OTOP2: variants seen among roughly 807,000 people sequenced by gnomAD.
OTOP2 encodes otopetrin 2, also known as proton channel OTOP2.
Under a neutral mutation model 47.4 loss-of-function variants are expected in OTOP2, and 41 were observed. That is an observed-to-expected ratio of 0.87 (90% CI 0.67 to 1.12). The LOEUF (loss-of-function observed/expected upper bound fraction) is 1.12. Among genes scored for constraint, OTOP2 ranks in the 50% most tolerant of loss-of-function variants. The pLI, the probability that OTOP2 is intolerant of heterozygous loss-of-function variation, is 0.00. For missense variants in OTOP2, 721 were observed against 752.2 expected (o/e 0.96, Z 0.49); for synonymous variants, 328 against 319.6 (o/e 1.03, Z -0.28).
intron 4 of OTOP2, 115 bp from the exon 5 acceptor site, chr17:74,927,550 C>T (rs1443286969): frequency 2.1e-6 from 3 of 1,433,086 alleles, no homozygotes; most frequent in East Asian, 2.3e-5. Context: ...AATCAGCTTC[C>T]CTGTTCACAC....
chr17:74,926,323 T>A (rs2039007983), intron 3 of OTOP2, among the ~76,000 whole-genome samples: 1 of 152,196 alleles, frequency 6.6e-6, no homozygotes, highest in Non-Finnish European at 1.5e-5. Context: ...GTGGCATTTA[T>A]GTAGTTTTAG....
Position 74,933,511 on chromosome 17 carries a change from T to C in OTOP2, c.1655T>C (p.Val552Ala), listed in dbSNP as rs968894795. The change falls in exon 7 of 7, where the codon GTG becomes GCG. Residue 552 changes from valine to alanine, a missense_variant. By Grantham distance (64) the Val-to-Ala change is moderately conservative (BLOSUM62 0). Coordinates refer to ENST00000331427, the MANE Select transcript of OTOP2 (RefSeq NM_178160.3). The surrounding 1 kb of genome is among the most constrained non-coding windows in gnomAD (Gnocchi z 4.7). Reference protein sequence around the residue: ...PFGIFYRMHAVSSLLEVYVLS With the variant: ...PFGIFYRMHAASSLLEVYVLS ...GGCATCTTCTACCGCATGCACGCTG[T>C]GTCCAGCCTGCTGGAGGTCTACGTG... The C allele has an allele frequency of 1.1e-5, 17 of 1,613,400 alleles. No homozygotes were observed. Among genetic ancestry groups the C allele is most frequent in the Non-Finnish European group, 1.4e-5 (16 of 1,179,540 alleles).
chr17:74,928,046 C>A, intron 5 of OTOP2: 1 of 489,844 alleles, frequency 2.0e-6, no homozygotes. Context: ...TCCATCCCAC[C>A]AAGAAGGGAC....
At chr17:74,928,790 G>A (rs151173560) in intron 5 of OTOP2, among the ~76,000 whole-genome samples, 376 of 152,300 alleles carry the variant, frequency 2.5e-3, no homozygotes, top group African/African-American at 8.1e-3. Context: ...TCCCCCAATA[G>A]CCAGGACCAG....
In OTOP2 at chr17:74,924,522, T is replaced by C. The variant is rs1397844861; in HGVS notation, c.-33-78T>C. On this transcript the variant is annotated intron_variant, in intron 1 of 6. Transcript: ENST00000331427. This position sits in a 1 kb window ranked among gnomAD's most constrained non-coding sequence, Gnocchi z 7.7. The stretch of plus-strand genomic sequence containing the variant: ...ACCCTGCGGGTCAGGAACTCCCTAG[T>C]CCCCAAGTCTAGGGATGAGATGGGG... 1.9e-5 allele frequency: 25 copies of C among 1,286,800 alleles called. No homozygotes were observed. Among genetic ancestry groups the C allele is most frequent in the Non-Finnish European group, 2.6e-5 (25 of 965,576 alleles). 79.7% of individuals were successfully genotyped at this position (1,286,800 alleles called of 1,614,324 possible).
At position 74,930,797 on chromosome 17, in the gene OTOP2, G is replaced by A. The variant is rs748057192; in HGVS notation, c.1162G>A (p.Val388Met). The stretch of plus-strand genomic sequence containing the variant: ...GTACGCCATCTCTTACTACTCCATC[G>A]TGGCTGTGGTGGCGGGCACACCCCA... ...GQYAISYYSI[V>M]AVVAGTPQDL... Residue 388 changes from valine to methionine, a missense_variant, in exon 6 of 7, where the codon GTG becomes ATG. Val to Met is a conservative substitution (Grantham distance 21). Coordinates refer to ENST00000331427, the MANE Select transcript of OTOP2 (RefSeq NM_178160.3). This position sits in a 1 kb window ranked among gnomAD's most constrained non-coding sequence, Gnocchi z 4.0. The A allele has an allele frequency of 2.1e-5, 34 of 1,614,072 alleles. No homozygotes were observed. The highest frequency in any genetic ancestry group is 3.3e-5 in the South Asian group (3 of 91,072).
intron 4 of OTOP2, 129 bp from the exon 5 acceptor site, chr17:74,927,536 C>T (rs2039019511): frequency 1.5e-6 from 2 of 1,368,424 alleles, no homozygotes; most frequent in East Asian, 4.7e-5. Context: ...TGTGTTCCTA[C>T]CAAAATCAGC....
intron 6 of OTOP2, among the ~76,000 whole-genome samples, chr17:74,932,587 A>G (rs2039069933): frequency 6.6e-6 from 1 of 152,020 alleles, no homozygotes. Context: ...CCCCACCTCC[A>G]CCTTCCACCC....
chr17:74,933,630 T>G lies in OTOP2; in HGVS notation c.*85T>G. 1 of 1,388,578 alleles carries G rather than the reference T, an allele frequency of 7.2e-7. No homozygotes were observed. The highest frequency in any genetic ancestry group is 9.7e-7 in the Non-Finnish European group (1 of 1,029,880). The allele number at this position is 1,388,578 out of a possible 1,614,324, so 86.0% of individuals were successfully genotyped here. ...ACACCCTCTGGGAATGAATCCCAGC[T>G]GGTGCCATATGACAGCCCATTTCCT... On this transcript the variant is annotated 3_prime_UTR_variant, in exon 7 of 7. Transcript: ENST00000331427. The surrounding 1 kb of genome is among the most constrained non-coding windows in gnomAD (Gnocchi z 4.7).
Position 74,924,859 on chromosome 17 carries a change from G to C in OTOP2, c.227G>C (p.Trp76Ser), listed in dbSNP as rs781098215. The change falls in exon 2 of 7, where the codon TGG (tryptophan) becomes TCG (serine). Residue 76 changes from tryptophan to serine, a missense_variant. Transcript: ENST00000331427. This position sits in a 1 kb window ranked among gnomAD's most constrained non-coding sequence, Gnocchi z 7.7. Reference sequence around the variant, plus strand: ...GCGATGATGCTGCTGGCAACGCTCTGGATCCTCTTCTACCTCCTCCGAACC... The same window carrying C: ...GCGATGATGCTGCTGGCAACGCTCTCGATCCTCTTCTACCTCCTCCGAACC... Reference protein sequence around the residue: ...LTAMMLLATLWILFYLLRTVR... With the variant: ...LTAMMLLATLSILFYLLRTVR... 6.2e-7 allele frequency: 1 copy of C among 1,607,164 alleles called. No homozygotes were observed. The highest frequency in any genetic ancestry group is 8.5e-7 in the Non-Finnish European group (1 of 1,177,216).
At chr17:74,927,633 G>C in intron 4 of OTOP2, 32 bp from the exon 5 acceptor site, 1 of 1,597,492 alleles carries the variant, frequency 6.3e-7, no homozygotes, top group Non-Finnish European at 8.5e-7. Flanking sequence ...AGGGTCACAG[G>C]CCTCTTTGTC....
chr17:74,924,806 C>A lies in OTOP2; in HGVS notation c.174C>A (p.Tyr58Ter), dbSNP rs777873109. ...SGGAFNKVAV[Y>*]DTDVFALLTA... is the part of the protein sequence containing the mutation. ...GAGCCTTCAACAAGGTGGCCGTGTA[C>A]GACACCGACGTGTTCGCGCTGCTCA... The change falls in exon 2 of 7, where the codon TAC becomes TAA. Residue 58 changes from tyrosine to a stop codon, truncating the protein, a stop_gained. Coordinates refer to ENST00000331427, the MANE Select transcript of OTOP2 (RefSeq NM_178160.3). LOFTEE classifies it high-confidence loss of function. This position sits in a 1 kb window ranked among gnomAD's most constrained non-coding sequence, Gnocchi z 7.7. 1 of 1,611,672 alleles carries A rather than the reference C, an allele frequency of 6.2e-7. No homozygotes were observed. Among genetic ancestry groups the A allele is most frequent in the South Asian group, 1.1e-5 (1 of 90,654 alleles).
At chr17:74,929,705 T>C (rs1452026911) in intron 5 of OTOP2, among the ~76,000 whole-genome samples, 1 of 151,996 alleles carries the variant, frequency 6.6e-6, no homozygotes, top group Non-Finnish European at 1.5e-5. Context: ...GGATTACAGG[T>C]GTGAGCCACT....
Position 74,925,695 on chromosome 17 carries a change from G to T in OTOP2, c.450+3G>T. 6.2e-7 allele frequency: 1 copy of T among 1,614,122 alleles called. No individual in the cohort carries two copies. The highest frequency in any genetic ancestry group is 8.5e-7 in the Non-Finnish European group (1 of 1,179,988). On this transcript the variant is annotated splice_donor_region_variant and intron_variant, in intron 3 of 6. Transcript: ENST00000331427. ...AGGCTGTGTTTGTCATCATCCAGGT[G>T]GGTGGAGGAGTGTCGCTGTGTGGAA...
At position 74,933,516 on chromosome 17, in the gene OTOP2, A is replaced by G. The variant is rs139301893; in HGVS notation, c.1660A>G (p.Ser554Gly). 2.5e-3 allele frequency: 4,070 copies of G among 1,613,226 alleles called. 118 individuals carry two copies. In the South Asian group the frequency reaches 0.042, roughly 17 times the overall value. Residue 554 changes from serine to glycine, a missense_variant, in exon 7 of 7, where the codon AGC becomes GGC. Ser to Gly is a moderately conservative substitution (Grantham distance 56, BLOSUM62 0). Coordinates refer to ENST00000331427, the MANE Select transcript of OTOP2 (RefSeq NM_178160.3). The surrounding 1 kb of genome is among the most constrained non-coding windows in gnomAD (Gnocchi z 4.7). ...CTTCTACCGCATGCACGCTGTGTCC[A>G]GCCTGCTGGAGGTCTACGTGCTGTC... is the stretch of plus-strand genomic sequence containing the variant. Reference protein sequence around the residue: ...GIFYRMHAVSSLLEVYVLS With the variant: ...GIFYRMHAVSGLLEVYVLS
At chr17:74,927,984 CA>C (rs2039025122) in intron 5 of OTOP2, 186 bp downstream of exon 5, 3 of 772,096 alleles carry the variant, frequency 3.9e-6, no homozygotes, top group Non-Finnish European at 5.9e-6. Context: ...AGGGAAGTAT[CA>C]GGGGTACCCT....
At chr17:74,925,193 T>C (rs545548582) in intron 2 of OTOP2, among the ~76,000 whole-genome samples, 81 of 152,188 alleles carry the variant, frequency 5.3e-4, no homozygotes, top group Non-Finnish European at 9.9e-4. Context: ...TAGAGAAGGC[T>C]GGCTGAGGGA....
rs1598594547 is a variant in OTOP2, at chr17:74,930,498, C to A, written c.863C>A (p.Thr288Asn). 3.1e-6 allele frequency: 5 copies of A among 1,613,080 alleles called. No homozygotes were observed. Among genetic ancestry groups the A allele is most frequent in the Non-Finnish European group, 4.2e-6 (5 of 1,179,084 alleles). The change falls in exon 6 of 7, where the codon ACC becomes AAC. Residue 288 changes from threonine (T) to asparagine (N), a missense_variant. Thr to Asn is a moderately conservative substitution (Grantham distance 65, BLOSUM62 0). Transcript: ENST00000331427. This position sits in a 1 kb window ranked among gnomAD's most constrained non-coding sequence, Gnocchi z 4.0. Reference protein sequence around the residue: ...TPTPVSLFRETFFAGPVLGLL... With the variant: ...TPTPVSLFRENFFAGPVLGLL... Reference sequence around the variant, plus strand: ...ACCCCTGTCAGCCTCTTCCGGGAGACCTTTTTTGCTGGCCCGGTTCTGGGC... The same window carrying A: ...ACCCCTGTCAGCCTCTTCCGGGAGAACTTTTTTGCTGGCCCGGTTCTGGGC...
At chr17:74,927,477 C>T in intron 4 of OTOP2, 188 bp from the exon 5 acceptor site, 1 of 1,019,930 alleles carries the variant, frequency 9.8e-7, no homozygotes, top group South Asian at 1.6e-5. Flanking sequence ...GTGGTGGTGG[C>T]CCCCGGGAAA....
Sources: allele counts gnomAD v4.1 joint callset (sites outside exome capture counted in the v4.1 genomes callset), GRCh38; gene constraint gnomAD v4.1.1; non-coding constraint Gnocchi (gnomAD v3.1); transcripts MANE v1.5; gene names NCBI Gene and HGNC (gene_info 2026-07-23, HGNC 2026-07-21).